TMEM132D: variants seen among roughly 807,000 people sequenced by gnomAD.
TMEM132D encodes the protein mature OL transmembrane protein.
TMEM132D carries 21 observed loss-of-function variants against 62.3 expected under a neutral mutation model. The ratio of observed to expected loss-of-function variants is 0.34; its 90% CI spans 0.24 to 0.49. TMEM132D has a LOEUF of 0.49. Ranked by LOEUF, TMEM132D falls within the 20% of genes least tolerant of loss-of-function variation. TMEM132D has a pLI of 0.99. For synonymous variants in TMEM132D, 621 were observed against 575.6 expected (o/e 1.08, Z -1.13); for missense variants, 1,346 against 1,402.8 (o/e 0.96, Z 0.65).
Position 129,658,569 on chromosome 12 carries a change from C to A in TMEM132D, c.968+41241G>T, listed in dbSNP as rs575204036. ...TCCTCCCAGCAACACGTAGCGTCTG[C>A]CCTGAAACTTGGGGTGGCCTCAGAA... On this transcript the variant is annotated intron_variant, in intron 2 of 8. Transcript: ENST00000422113. Among the ~76,000 whole-genome samples, 3 of 152,252 alleles carry A rather than the reference C, an allele frequency of 2.0e-5. No individual in the cohort carries two copies. In the East Asian group the frequency reaches 5.8e-4, roughly 29 times the overall value.
At chr12:129,692,507 TA>T (rs1881085669) in intron 2 of TMEM132D, among the ~76,000 whole-genome samples, 1 of 152,206 alleles carries the variant, frequency 6.6e-6, no homozygotes, top group Non-Finnish European at 1.5e-5. Flanking sequence ...CAAAGGAATA[TA>T]AATCATTCTA....
intron 5 of TMEM132D, among the ~76,000 whole-genome samples, chr12:129,106,188 A>G (rs1361299200): frequency 6.7e-6 from 1 of 150,322 alleles, no homozygotes; most frequent in Non-Finnish European, 1.5e-5. Flanking sequence ...AACACCGCAT[A>G]TTCTCACTCA....
At chr12:129,470,725 T>C (rs1874070254) in intron 3 of TMEM132D, among the ~76,000 whole-genome samples, 1 of 152,216 alleles carries the variant, frequency 6.6e-6, no homozygotes, top group Non-Finnish European at 1.5e-5. Flanking sequence ...TATAAACTGC[T>C]TCTGACATAA....
At chr12:129,608,809 T>C (rs1256570800) in intron 2 of TMEM132D, among the ~76,000 whole-genome samples, 1 of 152,176 alleles carries the variant, frequency 6.6e-6, no homozygotes, top group Admixed American at 6.5e-5. Context: ...AAGGAACCTA[T>C]AAGAACAGAG....
In TMEM132D at chr12:129,420,306, G is replaced by GTTTTTTTTT. The variant is rs71082709; in HGVS notation, c.1116-82498_1116-82490dup. ...AATTTCAAATTATTGCACGTTCTCT[G>GTTTTTTTTT]TTTTTTTTTTTTTTTTTTTTTTTTG... is the stretch of plus-strand genomic sequence containing the variant. On this transcript the variant is annotated intron_variant, in intron 3 of 8. Coordinates refer to ENST00000422113, the MANE Select transcript of TMEM132D (RefSeq NM_133448.3). Among the ~76,000 whole-genome samples, 715 of 112,072 alleles carry GTTTTTTTTT rather than the reference G, an allele frequency of 6.4e-3. 71 individuals carry two copies. Among genetic ancestry groups the GTTTTTTTTT allele is most frequent in the African/African-American group, 0.012 (303 of 24,880 alleles). 73.5% of individuals were successfully genotyped at this position (112,072 alleles called of 152,430 possible).
chr12:129,134,097 T>C (rs1157159445), intron 5 of TMEM132D, among the ~76,000 whole-genome samples: 1 of 144,054 alleles, frequency 6.9e-6, no homozygotes, highest in Non-Finnish European at 1.5e-5. Context: ...TATGTGTGTG[T>C]GTGTTGTGTG....
At chr12:129,623,019 C>G (rs937112733) in intron 2 of TMEM132D, among the ~76,000 whole-genome samples, 4 of 151,908 alleles carry the variant, frequency 2.6e-5, no homozygotes, top group African/African-American at 9.7e-5. Context: ...ATGGGAATAA[C>G]ACATAGAGGA....
chr12:129,648,319 T>C (rs781263281), intron 2 of TMEM132D, among the ~76,000 whole-genome samples: 1 of 152,092 alleles, frequency 6.6e-6, no homozygotes, highest in Non-Finnish European at 1.5e-5. Flanking sequence ...CCCCATGATT[T>C]CATCCCGACG....
chr12:129,356,038 C>T (rs1870032170), intron 3 of TMEM132D, among the ~76,000 whole-genome samples: 1 of 152,140 alleles, frequency 6.6e-6, no homozygotes, highest in African/African-American at 2.4e-5. Flanking sequence ...CACCCATTCC[C>T]GTCGTACTTT....
chr12:129,102,271 G>C (rs1006032286), intron 5 of TMEM132D, among the ~76,000 whole-genome samples: 1 of 152,122 alleles, frequency 6.6e-6, no homozygotes, highest in Non-Finnish European at 1.5e-5. Context: ...GAGCCTGCTG[G>C]AAAAACACCC....
At chr12:129,267,937 G>A (rs1387579746) in intron 4 of TMEM132D, among the ~76,000 whole-genome samples, 1 of 152,184 alleles carries the variant, frequency 6.6e-6, no homozygotes, top group Non-Finnish European at 1.5e-5. Context: ...ATGGGGAAAG[G>A]ATTCCCTATT....
chr12:129,659,081 GTT>G (rs1393830752), intron 2 of TMEM132D, among the ~76,000 whole-genome samples: 1 of 151,054 alleles, frequency 6.6e-6, no homozygotes, highest in African/African-American at 2.4e-5. Flanking sequence ...TTTTTTTGTT[GTT>G]TGTTTGTTTG....
Position 129,706,803 on chromosome 12 carries a change from A to G in TMEM132D, c.80-6105T>C, listed in dbSNP as rs140099198. On this transcript the variant is annotated intron_variant, in intron 1 of 8. Coordinates refer to ENST00000422113, the MANE Select transcript of TMEM132D (RefSeq NM_133448.3). ...ATAATTTCATAAAAACTATGAATTTATATTCATAGTTGAATAAGAGAAACC... is the reference window on the plus strand; with the variant it reads ...ATAATTTCATAAAAACTATGAATTTGTATTCATAGTTGAATAAGAGAAACC... Among the ~76,000 whole-genome samples, 24 of 152,056 alleles carry G rather than the reference A, an allele frequency of 1.6e-4. No homozygotes were observed. The East Asian group carries it at 4.2e-3, about 27-fold the overall frequency.
At chr12:129,598,728 T>C (rs528266622) in intron 2 of TMEM132D, among the ~76,000 whole-genome samples, 2 of 152,346 alleles carry the variant, frequency 1.3e-5, no homozygotes, top group South Asian at 2.1e-4. Context: ...AAAAACTGTA[T>C]TGATTTGTAA....
At chr12:129,623,785 A>G (rs1214431165) in intron 2 of TMEM132D, among the ~76,000 whole-genome samples, 2 of 151,056 alleles carry the variant, frequency 1.3e-5, no homozygotes, top group Non-Finnish European at 2.9e-5. Flanking sequence ...ATATATATAT[A>G]TTCCACATTT....
chr12:129,862,413 GTGTGTTTGCTGACACTC>G (rs1283494281), intron 1 of TMEM132D, among the ~76,000 whole-genome samples: 1 of 152,236 alleles, frequency 6.6e-6, no homozygotes, highest in African/African-American at 2.4e-5. Context: ...CCAGGGGGCT[GTGTGTTTGCTGACACTC>G]CACTGCACAG....
intron 1 of TMEM132D, among the ~76,000 whole-genome samples, chr12:129,755,003 A>C (rs1001405291): frequency 1.3e-5 from 2 of 152,198 alleles, no homozygotes; most frequent in Non-Finnish European, 2.9e-5. Flanking sequence ...AAAACTTGGA[A>C]TCAAAGCAGT....
chr12:129,747,815 CTT>C (rs1274528417), intron 1 of TMEM132D, among the ~76,000 whole-genome samples: 2 of 149,880 alleles, frequency 1.3e-5, no homozygotes, highest in Non-Finnish European at 3.0e-5. Context: ...GATACACACA[CTT>C]GACACACACT....
Position 129,699,968 on chromosome 12 carries a change from GA to G in TMEM132D, c.809del (p.Ile270ThrfsTer12), listed in dbSNP as rs1477290497. ...SGPPLQRIGS[I>X]FLYQTHRKPS... The stretch of plus-strand genomic sequence containing the variant: ...GTTTCCTGTGTGTCTGATAAAGGAA[GA>G]TGCTCCCGATCCTCTGCAAGGGGGG... On this transcript the variant is annotated frameshift_variant, in exon 2 of 9. Transcript: ENST00000422113. LOFTEE classifies it high-confidence loss of function. 6.2e-7 allele frequency: 1 copy of G among 1,614,026 alleles called. No homozygotes were observed. The highest frequency in any genetic ancestry group is 8.5e-7 in the Non-Finnish European group (1 of 1,180,044).
Sources: gnomAD v4.1 joint callset for allele counts (sites outside exome capture counted in the v4.1 genomes callset) on GRCh38, gnomAD v4.1.1 for gene constraint, MANE v1.5 for transcripts, NCBI Gene and HGNC (gene_info 2026-07-23, HGNC 2026-07-21) for gene names.